EML5: variants seen among roughly 807,000 people sequenced by gnomAD.
EML5 encodes echinoderm microtubule-associated protein-like 5.
A neutral mutation model predicts 250.0 loss-of-function variants in EML5; 120 were observed. The ratio of observed to expected loss-of-function variants is 0.48; its 90% CI spans 0.41 to 0.56. The LOEUF is 0.56. Ranked by LOEUF, EML5 falls within the 20% of genes least tolerant of loss-of-function variation. EML5 has a pLI of 0.00. For synonymous variants in EML5, 771 were observed against 806.5 expected, an observed-to-expected ratio of 0.96 and a Z score of 0.75; for missense variants, 2,006 against 2,437.6, an observed-to-expected ratio of 0.82 and a Z score of 3.73.
chr14:88,672,152 T>TAAAAAGAAAAATTAAAA (rs1026397095), intron 21 of EML5, among the ~76,000 whole-genome samples: 4 of 152,132 alleles, frequency 2.6e-5, no homozygotes, highest in African/African-American at 9.7e-5. Flanking sequence ...TAATTGAAAG[T>TAAAAAGAAAAATTAAAA]AAAACACTCC....
chr14:88,695,533 C>T (rs914746027), intron 15 of EML5, 79 bp from the exon 16 acceptor site: 1 of 1,264,706 alleles, frequency 7.9e-7, no homozygotes, highest in Admixed American at 2.4e-5. Context: ...ATTCTAAACC[C>T]ACATCCTATA....
chr14:88,642,924 T>C lies in EML5; in HGVS notation c.4206A>G (p.Ala1402=), dbSNP rs201953300. Residue 1402 remains alanine (A), a synonymous_variant, in exon 31 of 44, where the codon GCA becomes GCG. Coordinates refer to ENST00000554922, the MANE Select transcript of EML5 (RefSeq NM_183387.3). ...NDGDDIIYHT[A]SVGILHNVAT... ...CAACATTGTGCAGAATTCCAACAGA[T>C]GCAGTGTGATAAATTATATCATCAC... 6.2e-6 allele frequency: 10 copies of C among 1,606,696 alleles called. No homozygotes were observed. The African/African-American group carries it at 6.7e-5, about 11-fold the overall frequency.
chr14:88,788,701 C>G (rs1414211029), intron 1 of EML5, among the ~76,000 whole-genome samples: 2 of 152,002 alleles, frequency 1.3e-5, no homozygotes, highest in African/African-American at 4.8e-5. Flanking sequence ...TCAATAATAT[C>G]CTTAAGAACA....
intron 19 of EML5, among the ~76,000 whole-genome samples, chr14:88,685,826 TA>T (rs1567120630): frequency 1.3e-5 from 2 of 152,252 alleles, no homozygotes; most frequent in African/African-American, 4.8e-5. Context: ...TGTTATACTG[TA>T]TTTTTAATTT....
In EML5 at chr14:88,685,360, T is replaced by C. The variant is rs190022144; in HGVS notation, c.2855-218A>G. 9.1e-4 allele frequency among the ~76,000 whole-genome samples: 139 copies of C among 152,342 alleles called. 1 individual carries two copies. Among genetic ancestry groups the C allele is most frequent in the African/African-American group, 3.1e-3 (130 of 41,564 alleles). ...ATGTCTTATAAGTCTATGATTCTAT[T>C]CTCACATTCCCTCCTACCATTCCAA... is the stretch of plus-strand genomic sequence containing the variant. On this transcript the variant is annotated intron_variant, in intron 19 of 43. Coordinates refer to ENST00000554922, the MANE Select transcript of EML5 (RefSeq NM_183387.3).
At chr14:88,627,600 T>C (rs1201114518) in intron 34 of EML5, 46 bp downstream of exon 34, 2 of 1,538,922 alleles carry the variant, frequency 1.3e-6, no homozygotes, top group East Asian at 4.5e-5. Flanking sequence ...CCTACTACCT[T>C]TGTATTCTTG....
At chr14:88,712,562 T>A in intron 9 of EML5, 79 bp from the exon 10 acceptor site, 1 of 1,162,116 alleles carries the variant, frequency 8.6e-7, no homozygotes, top group Non-Finnish European at 1.2e-6. Flanking sequence ...GAGAACATAG[T>A]AAATTCCAAA....
chr14:88,769,421 T>A (rs2094362754), intron 1 of EML5, among the ~76,000 whole-genome samples: 1 of 152,220 alleles, frequency 6.6e-6, no homozygotes, highest in Non-Finnish European at 1.5e-5. Flanking sequence ...ATGCTTCCTA[T>A]ACAACCTACA....
Position 88,627,024 on chromosome 14 carries a change from A to C in EML5, c.4554T>G (p.Ala1518=). Residue 1518 remains alanine, a synonymous_variant, in exon 35 of 44, where the codon GCT becomes GCG. Transcript: ENST00000554922. ...WQEGAKIASR[A]GHNQRIFVAE... is the part of the protein sequence containing the mutation. The stretch of plus-strand genomic sequence containing the variant: ...CCACAAAAATACGTTGATTGTGACC[A>C]GCTCTGCTGGCAATTTTGGCACCTG... 6.2e-7 allele frequency: 1 copy of C among 1,613,976 alleles called. No homozygotes were observed. Among genetic ancestry groups the C allele is most frequent in the Non-Finnish European group, 8.5e-7 (1 of 1,179,864 alleles).
At chr14:88,673,934 T>G (rs928853888) in intron 21 of EML5, among the ~76,000 whole-genome samples, 6 of 152,174 alleles carry the variant, frequency 3.9e-5, no homozygotes, top group Non-Finnish European at 8.8e-5. Context: ...TATTGTGAAA[T>G]GGCCATACTG....
Position 88,695,341 on chromosome 14 carries a change from A to T in EML5, c.2438+20T>A. 1 of 1,591,184 alleles carries T rather than the reference A, an allele frequency of 6.3e-7. No individual in the cohort carries two copies. The highest frequency in any genetic ancestry group is 2.2e-5 in the East Asian group (1 of 44,550). On this transcript the variant is annotated intron_variant, in intron 16 of 43. Transcript: ENST00000554922. ...GTAATTCTAGTATTTTGCAAATGTG[A>T]TATCAAGTTTTTTTCCTACCTTGCT...
chr14:88,629,811 C>A (rs971678081), intron 33 of EML5, among the ~76,000 whole-genome samples: 1 of 152,100 alleles, frequency 6.6e-6, no homozygotes, highest in Non-Finnish European at 1.5e-5. Context: ...TTCTCAGTAT[C>A]CAGGTTCCAC....
At chr14:88,631,075 T>C (rs1257006332) in intron 33 of EML5, among the ~76,000 whole-genome samples, 1 of 152,234 alleles carries the variant, frequency 6.6e-6, no homozygotes, top group Non-Finnish European at 1.5e-5. Flanking sequence ...GAGAGTGAGT[T>C]TTCTCTGCTT....
intron 1 of EML5, among the ~76,000 whole-genome samples, chr14:88,757,392 T>C (rs1303136066): frequency 6.6e-6 from 1 of 152,094 alleles, no homozygotes; most frequent in Non-Finnish European, 1.5e-5. Flanking sequence ...GCATAAATCT[T>C]ACCAATCTTG....
chr14:88,692,123 C>A (rs911327782), intron 17 of EML5, among the ~76,000 whole-genome samples: 3 of 151,978 alleles, frequency 2.0e-5, no homozygotes, highest in Admixed American at 6.6e-5. Flanking sequence ...GTCTGTAATC[C>A]CAGCACTTTG....
At chr14:88,681,725 T>C (rs941756086) in intron 21 of EML5, among the ~76,000 whole-genome samples, 165 bp downstream of exon 21, 4 of 152,212 alleles carry the variant, frequency 2.6e-5, no homozygotes, top group Admixed American at 6.5e-5. Flanking sequence ...CAAGACTGAG[T>C]ACAATTACGT....
intron 5 of EML5, among the ~76,000 whole-genome samples, chr14:88,739,419 C>T (rs186228970): frequency 3.9e-5 from 6 of 152,048 alleles, no homozygotes; most frequent in Admixed American, 3.9e-4. Context: ...GCCAATCCCC[C>T]CCAAAATATC....
At chr14:88,757,146 C>T (rs751697215) in intron 1 of EML5, among the ~76,000 whole-genome samples, 11 of 152,118 alleles carry the variant, frequency 7.2e-5, no homozygotes, top group Non-Finnish European at 5.9e-5. Context: ...CAAACAGAAT[C>T]GTGAGTCCAG....
chr14:88,783,794 C>T (rs2094522568), intron 1 of EML5, among the ~76,000 whole-genome samples: 1 of 152,160 alleles, frequency 6.6e-6, no homozygotes, highest in Non-Finnish European at 1.5e-5. Flanking sequence ...ACTTAATGTG[C>T]ACTATAGACC....
Sources: gnomAD v4.1 joint callset for allele counts (sites outside exome capture counted in the v4.1 genomes callset) on GRCh38, gnomAD v4.1.1 for gene constraint, MANE v1.5 for transcripts, NCBI Gene and HGNC (gene_info 2026-07-23, HGNC 2026-07-21) for gene names.